The following INPP4B variants were observed in gnomAD, a reference collection of about 807,000 sequenced individuals.
INPP4B encodes inositol polyphosphate 4-phosphatase type II.
Under a neutral mutation model 122.5 loss-of-function variants are expected in INPP4B, and 55 were observed. That is an observed-to-expected ratio of 0.45 (90% CI 0.36 to 0.56). INPP4B has a LOEUF of 0.56. INPP4B is among the 20% of genes least tolerant of loss of function. INPP4B has a pLI of 0.00. For missense variants in INPP4B, 1,000 were observed against 1,097.7 expected (o/e 0.91, Z 1.26); for synonymous variants, 403 against 388.7 (o/e 1.04, Z -0.43).
intron 1 of INPP4B, chr4:142,795,430 G>C (rs565640743): frequency 9.2e-5 from 14 of 152,014 alleles, no homozygotes; most frequent in African/African-American, 3.4e-4. Context: ...TTTTCACTTT[G>C]TATACCTTAT....
chr4:142,563,223 G>T (rs1271951760), intron 2 of INPP4B, among the ~76,000 whole-genome samples: 1 of 152,164 alleles, frequency 6.6e-6, no homozygotes, highest in East Asian at 1.9e-4. Context: ...AAAATGATGT[G>T]TTTTCTTATT....
intron 2 of INPP4B, among the ~76,000 whole-genome samples, chr4:142,556,672 T>G (rs1729257557): frequency 6.6e-6 from 1 of 151,512 alleles, no homozygotes; most frequent in African/African-American, 2.4e-5. Flanking sequence ...GAGGGGGAGG[T>G]ATGCATGTGA....
chr4:142,404,046 C>G (rs201329543), intron 6 of INPP4B, among the ~76,000 whole-genome samples: 3 of 91,028 alleles, frequency 3.3e-5, no homozygotes, highest in African/African-American at 9.7e-5. Context: ...TTTAAAATAA[C>G]AGAATTTTTA....
Position 142,260,605 on chromosome 4 carries a change from A to T in INPP4B, c.616-41T>A, listed in dbSNP as rs1465033424. Reference sequence around the variant, plus strand: ...AAAAAAAAAAAAAAATTTTGAGAACAATCAAAATAAGGAATGATATTATTT... The same window carrying T: ...AAAAAAAAAAAAAAATTTTGAGAACTATCAAAATAAGGAATGATATTATTT... On this transcript the variant is annotated intron_variant, in intron 10 of 25. Transcript: ENST00000262992. 4 of 1,246,700 alleles carry T rather than the reference A, an allele frequency of 3.2e-6. No individual in the cohort carries two copies. The East Asian group carries it at 7.2e-5, about 22-fold the overall frequency. The allele number at this position is 1,246,700 out of a possible 1,614,324, so 77.2% of individuals were successfully genotyped here. A position where few individuals can be genotyped will look rare whatever the true frequency, so the allele number is the denominator to read the frequency against.
At chr4:142,049,877 T>G (rs563792931) in intron 25 of INPP4B, among the ~76,000 whole-genome samples, 1 of 152,094 alleles carries the variant, frequency 6.6e-6, no homozygotes, top group South Asian at 2.1e-4. Flanking sequence ...GAAATTCATT[T>G]TGTGACAAAA....
At position 142,305,502 on chromosome 4, in the gene INPP4B, T is replaced by C; in HGVS notation, c.459A>G (p.Gly153=). Residue 153 remains glycine (G), a synonymous_variant, in exon 9 of 26, where the codon GGA becomes GGG. Coordinates refer to ENST00000262992, the MANE Select transcript of INPP4B (RefSeq NM_001101669.3). Reference sequence around the variant, plus strand: ...ATTGCTCCTTTGACTTCAGCAGCTCTCCCACTTTAAAACTGGCATAGCCCA... The same window carrying C: ...ATTGCTCCTTTGACTTCAGCAGCTCCCCCACTTTAAAACTGGCATAGCCCA... ...SFLGYASFKV[G]ELLKSKEQLL... 6.2e-7 allele frequency: 1 copy of C among 1,613,034 alleles called. No homozygotes were observed. The highest frequency in any genetic ancestry group is 8.5e-7 in the Non-Finnish European group (1 of 1,179,360).
intron 7 of INPP4B, chr4:142,384,120 G>T (rs1293099283): frequency 2.8e-6 from 2 of 702,056 alleles, no homozygotes; most frequent in Non-Finnish European, 5.2e-6. Context: ...TAGCTATCTT[G>T]GGAAGAAAAG....
At chr4:142,032,926 C>G (rs1382669377) in intron 25 of INPP4B, among the ~76,000 whole-genome samples, 1 of 149,538 alleles carries the variant, frequency 6.7e-6, no homozygotes, top group African/African-American at 2.5e-5. Flanking sequence ...TTAGTATGTT[C>G]CCTCCTGCCT....
rs1372916300 is a variant in INPP4B, at chr4:142,137,722, A to G, written c.1720+8118T>C. ...CAAACAACCCCATCAAAAAGTGGGCAAAGGATATGAACAGACACTTCTCAA... is the reference window on the plus strand; with the variant it reads ...CAAACAACCCCATCAAAAAGTGGGCGAAGGATATGAACAGACACTTCTCAA... On this transcript the variant is annotated intron_variant, in intron 18 of 25. Coordinates refer to ENST00000262992, the MANE Select transcript of INPP4B (RefSeq NM_001101669.3). Among the ~76,000 whole-genome samples the G allele has an allele frequency of 5.4e-5, 8 of 149,434 alleles. No individual in the cohort carries two copies. The East Asian group carries it at 6.0e-4, about 11-fold the overall frequency.
chr4:142,400,281 C>T (rs1801176176), intron 7 of INPP4B, among the ~76,000 whole-genome samples: 1 of 152,130 alleles, frequency 6.6e-6, no homozygotes, highest in African/African-American at 2.4e-5. Context: ...AAGATCTGAT[C>T]GTCCTGAATC....
At position 142,341,602 on chromosome 4, in the gene INPP4B, C is replaced by T. The variant is rs148344237; in HGVS notation, c.373-26840G>A. Among the ~76,000 whole-genome samples the T allele has an allele frequency of 5.8e-3, 885 of 152,158 alleles. 9 individuals carry two copies. Among genetic ancestry groups the T allele is most frequent in the African/African-American group, 0.02 (829 of 41,494 alleles). On this transcript the variant is annotated intron_variant, in intron 7 of 25. Transcript: ENST00000262992. Reference sequence around the variant, plus strand: ...GGCAAGACCTGTGATTTACTTCTAACCTAGACTATGGCGAAGGTCATAGGA... The same window carrying T: ...GGCAAGACCTGTGATTTACTTCTAATCTAGACTATGGCGAAGGTCATAGGA...
chr4:142,828,177 A>C (rs1185993966), intron 1 of INPP4B, among the ~76,000 whole-genome samples: 1 of 152,176 alleles, frequency 6.6e-6, no homozygotes, highest in Non-Finnish European at 1.5e-5. Flanking sequence ...AATTAAAATA[A>C]ATTTAAAAAG....
rs148894579 is a variant in INPP4B at position 142,546,749 on chromosome 4, C to G, written c.-190-84023G>C. ...GGTTAATTTAAAAAGTCCCACCATTCAACATTAACGCAACTTGGACAAAAT... is the reference window on the plus strand; with the variant it reads ...GGTTAATTTAAAAAGTCCCACCATTGAACATTAACGCAACTTGGACAAAAT... On this transcript the variant is annotated intron_variant, in intron 2 of 25. Transcript: ENST00000262992. Among the ~76,000 whole-genome samples, 304 of 152,206 alleles carry G rather than the reference C, an allele frequency of 2.0e-3. 1 individual carries two copies. The highest frequency in any genetic ancestry group is 3.2e-3 in the Non-Finnish European group (218 of 67,988).
At chr4:142,766,878 G>A (rs1175681372) in intron 1 of INPP4B, 1 of 152,128 alleles carries the variant, frequency 6.6e-6, no homozygotes, top group Non-Finnish European at 1.5e-5. Flanking sequence ...TGTATTTAGA[G>A]TGGGAGGAGA....
chr4:142,477,017 C>T (rs944981399), intron 2 of INPP4B, among the ~76,000 whole-genome samples: 1 of 152,166 alleles, frequency 6.6e-6, no homozygotes, highest in Non-Finnish European at 1.5e-5. Context: ...GAACATGGCA[C>T]ATACTCTAAA....
At chr4:142,470,824 A>C (rs1364975775) in intron 2 of INPP4B, among the ~76,000 whole-genome samples, 1 of 152,208 alleles carries the variant, frequency 6.6e-6, no homozygotes, top group Non-Finnish European at 1.5e-5. Flanking sequence ...ATAATCCTAA[A>C]TGTATAAAAA....
intron 25 of INPP4B, among the ~76,000 whole-genome samples, chr4:142,061,676 A>G (rs1299596757): frequency 1.3e-5 from 2 of 151,884 alleles, no homozygotes; most frequent in Non-Finnish European, 2.9e-5. Flanking sequence ...CTCAGGAGTC[A>G]CAACGATTGG....
At chr4:142,494,947 C>T (rs1262846981) in intron 2 of INPP4B, among the ~76,000 whole-genome samples, 1 of 152,108 alleles carries the variant, frequency 6.6e-6, no homozygotes, top group Non-Finnish European at 1.5e-5. Flanking sequence ...TAAATTCGTG[C>T]AATGTCTGTT....
intron 7 of INPP4B, among the ~76,000 whole-genome samples, chr4:142,368,702 T>G (rs537898396): frequency 7.3e-6 from 1 of 137,404 alleles, no homozygotes; most frequent in South Asian, 2.4e-4. Flanking sequence ...TGACCTAAAT[T>G]AATAGGAAAA....
Sources: allele counts gnomAD v4.1 joint callset (sites outside exome capture counted in the v4.1 genomes callset), GRCh38; gene constraint gnomAD v4.1.1; transcripts MANE v1.5; gene names NCBI Gene and HGNC (gene_info 2026-07-23, HGNC 2026-07-21).